Variants in VPS13D observed in about 807,000 individuals in gnomAD.
VPS13D encodes vacuolar protein sorting 13 homolog D.
VPS13D carries 187 observed loss-of-function variants against 461.9 expected under a neutral mutation model. The observed-to-expected ratio is 0.40, with a 90% CI of 0.36 to 0.46. The LOEUF (loss-of-function observed/expected upper bound fraction) is 0.46. Ranked by LOEUF, VPS13D falls within the 20% of genes least tolerant of loss-of-function variation. The pLI is 0.60. For missense variants in VPS13D, 4,711 were observed against 5,364.9 expected (o/e 0.88, Z 3.81); for synonymous variants, 1,951 against 1,986.3 (o/e 0.98, Z 0.47).
At chr1:12,393,986 C>T (rs1248607322) in intron 60 of VPS13D, among the ~76,000 whole-genome samples, 8 of 152,130 alleles carry the variant, frequency 5.3e-5, no homozygotes, top group African/African-American at 1.9e-4. Context: ...CTGAAATCAA[C>T]GTCAGCTCAG....
At chr1:12,484,152 G>C (rs988139460) in intron 67 of VPS13D, among the ~76,000 whole-genome samples, 1 of 152,172 alleles carries the variant, frequency 6.6e-6, no homozygotes, top group Admixed American at 6.5e-5. Flanking sequence ...AGTTGGTACT[G>C]ATGCTGTACA....
chr1:12,421,651 A>T (rs1019256733), intron 65 of VPS13D, among the ~76,000 whole-genome samples: 4 of 152,242 alleles, frequency 2.6e-5, no homozygotes, highest in Non-Finnish European at 2.9e-5. Context: ...TTAACAATAG[A>T]GCAAATGATC....
intron 17 of VPS13D, among the ~76,000 whole-genome samples, chr1:12,271,571 A>T (rs552559375): frequency 6.6e-6 from 1 of 152,224 alleles, no homozygotes; most frequent in South Asian, 2.1e-4. Flanking sequence ...CAGGAGGCGG[A>T]GGCAGGAGAA....
At chr1:12,291,652 G>C (rs1277654995) in intron 23 of VPS13D, among the ~76,000 whole-genome samples, 2 of 152,148 alleles carry the variant, frequency 1.3e-5, no homozygotes, top group Admixed American at 1.3e-4. Flanking sequence ...ACCCCAGATA[G>C]GGTATGATTG....
rs1168118567 is a variant in VPS13D, at chr1:12,271,003, A to C, written c.1982A>C (p.Tyr661Ser). 1 of 1,613,468 alleles carries C rather than the reference A, an allele frequency of 6.2e-7. No individual in the cohort carries two copies. The highest frequency in any genetic ancestry group is 1.3e-5 in the African/African-American group (1 of 74,830). Residue 661 changes from tyrosine to serine, a missense_variant, in exon 17 of 70, where the codon TAT becomes TCT. Physicochemically the swap from Tyr to Ser is moderately radical, Grantham distance 144. This residue lies in a region of VPS13D where 4,411 missense variants were observed against 4,937.8 expected (regional missense o/e 0.89). Coordinates refer to ENST00000620676, the MANE Select transcript of VPS13D (RefSeq NM_015378.4). The stretch of plus-strand genomic sequence containing the variant: ...ATTTCCAACCTTGCAGGTTTTGGTT[A>C]TCAGTCTGAACTTGAGCTGAGAGTG... ...KGKVHTSGFG[Y>S]QSELELRVAE...
Position 12,321,972 on chromosome 1 carries a change from T to C in VPS13D, c.7704+8T>C. On this transcript the variant is annotated splice_region_variant and intron_variant, in intron 33 of 69. Coordinates refer to ENST00000620676, the MANE Select transcript of VPS13D (RefSeq NM_015378.4). ...TTCCCACCTGTCCTGGAGGTAATGATGCAAAATCTGTGCAATACGTTGATA... is the reference window on the plus strand; with the variant it reads ...TTCCCACCTGTCCTGGAGGTAATGACGCAAAATCTGTGCAATACGTTGATA... 1 of 1,613,354 alleles carries C rather than the reference T, an allele frequency of 6.2e-7. No homozygotes were observed. The highest frequency in any genetic ancestry group is 8.5e-7 in the Non-Finnish European group (1 of 1,179,720).
At chr1:12,412,494 A>T (rs753303892) in intron 63 of VPS13D, among the ~76,000 whole-genome samples, 1 of 152,220 alleles carries the variant, frequency 6.6e-6, no homozygotes, top group African/African-American at 2.4e-5. Context: ...CCAGAAATGG[A>T]TGTATAATAC....
At chr1:12,472,935 C>T (rs887654653) in intron 67 of VPS13D, among the ~76,000 whole-genome samples, 5 of 152,196 alleles carry the variant, frequency 3.3e-5, no homozygotes, top group East Asian at 1.9e-4. Flanking sequence ...GGTGAGAAGC[C>T]GTTGCCAGTC....
rs142445093 is a variant in VPS13D, at chr1:12,276,446, A to C, written c.2858A>C (p.Gln953Pro). 3.7e-6 allele frequency: 6 copies of C among 1,614,072 alleles called. No individual in the cohort carries two copies. The Admixed American group carries it at 1.0e-4, about 27-fold the overall frequency. ...QHTREVLVES[Q>P]LLLAEFKVNC... ...ACCCGCGAGGTTCTGGTGGAGTCGC[A>C]GCTCCTCCTGGCGGAATTTAAAGTG... Residue 953 changes from glutamine (Q) to proline (P), a missense_variant, in exon 19 of 70, where the codon CAG becomes CCG. Around this residue, in one of 3 missense-constraint regions of VPS13D, gnomAD observed 4,411 missense variants for 4,937.8 expected, o/e 0.89. Transcript: ENST00000620676. The surrounding 1 kb of genome is among the most constrained non-coding windows in gnomAD (Gnocchi z 4.5).
intron 3 of VPS13D, among the ~76,000 whole-genome samples, chr1:12,242,904 A>G (rs1176025203): frequency 1.3e-5 from 2 of 152,042 alleles, no homozygotes; most frequent in African/African-American, 2.4e-5. Flanking sequence ...CCTCTGTTCT[A>G]CATTCAAGGT....
intron 25 of VPS13D, among the ~76,000 whole-genome samples, chr1:12,300,727 C>G (rs1642402300): frequency 1.3e-5 from 2 of 152,062 alleles, no homozygotes; most frequent in African/African-American, 4.8e-5. Flanking sequence ...AATGGAAACA[C>G]CTAGTAATTC....
Position 12,268,865 on chromosome 1 carries a change from T to G in VPS13D, c.1961T>G (p.Val654Gly), listed in dbSNP as rs531508181. The G allele has an allele frequency of 1.6e-5, 26 of 1,605,840 alleles. No homozygotes were observed. Among genetic ancestry groups the G allele is most frequent in the Admixed American group, 5.2e-5 (3 of 57,312 alleles). Residue 654 changes from valine to glycine, a missense_variant, in exon 16 of 70, where the codon GTT becomes GGT. Val to Gly is a moderately radical substitution (Grantham distance 109). Transcript: ENST00000620676. ...KVADFFYKGKVHTSGFGYQSE... is the reference protein window; with the variant it reads ...KVADFFYKGKGHTSGFGYQSE... ...GCAGACTTTTTCTACAAGGGAAAGG[T>G]TCATACCTCAGGTTAACTTTTTTGT...
At chr1:12,432,012 A>G (rs765335143) in intron 65 of VPS13D, among the ~76,000 whole-genome samples, 6 of 152,196 alleles carry the variant, frequency 3.9e-5, no homozygotes, top group Non-Finnish European at 7.3e-5. Flanking sequence ...GTGGGTTAAA[A>G]TGAATTTTAA....
intron 48 of VPS13D, 83 bp downstream of exon 48, chr1:12,356,173 C>T: frequency 4.0e-6 from 6 of 1,484,830 alleles, no homozygotes; most frequent in Non-Finnish European, 5.4e-6. Flanking sequence ...TAAATGGAGC[C>T]AATGCAAATA....
intron 36 of VPS13D, among the ~76,000 whole-genome samples, chr1:12,328,336 G>A (rs954460518): frequency 6.6e-6 from 1 of 151,078 alleles, no homozygotes; most frequent in African/African-American, 2.4e-5. Context: ...CTAGAGTGGG[G>A]ACCAAAGTAG....
At position 12,359,617 on chromosome 1, in the gene VPS13D, T is replaced by C. The variant is rs546628102; in HGVS notation, c.10141+1016T>C. 7.2e-5 allele frequency among the ~76,000 whole-genome samples: 11 copies of C among 152,314 alleles called. No homozygotes were observed. The South Asian group carries it at 2.3e-3, about 32-fold the overall frequency. Reference sequence around the variant, plus strand: ...GCAAGGAAAAACTGATGTGATATCATTTACATATTTATCCTGAGTCCCATG... The same window carrying C: ...GCAAGGAAAAACTGATGTGATATCACTTACATATTTATCCTGAGTCCCATG... On this transcript the variant is annotated intron_variant, in intron 50 of 69. Transcript: ENST00000620676.
At chr1:12,435,257 G>A (rs915282020) in intron 65 of VPS13D, among the ~76,000 whole-genome samples, 6 of 151,144 alleles carry the variant, frequency 4.0e-5, no homozygotes, top group Non-Finnish European at 5.9e-5. Context: ...TCAGGAGTTC[G>A]AGACCAGCCT....
In VPS13D at chr1:12,307,868, A is replaced by G. The variant is rs562995234; in HGVS notation, c.6440-563A>G. Among the ~76,000 whole-genome samples the G allele has an allele frequency of 1.7e-3, 252 of 152,234 alleles. 1 individual carries two copies. The highest frequency in any genetic ancestry group is 5.6e-3 in the African/African-American group (234 of 41,542). ...AATGTTATGGACTGTTTATTTTTTT[A>G]AGGATTACTCAGGTATTTGGTGGGG... On this transcript the variant is annotated intron_variant, in intron 26 of 69. Coordinates refer to ENST00000620676, the MANE Select transcript of VPS13D (RefSeq NM_015378.4).
intron 5 of VPS13D, among the ~76,000 whole-genome samples, chr1:12,245,928 C>A (rs777784390): frequency 6.6e-6 from 1 of 152,178 alleles, no homozygotes; most frequent in Non-Finnish European, 1.5e-5. Context: ...TAGCATGTGT[C>A]AGCACTTTAT....
Sources: gnomAD v4.1 joint callset for allele counts (sites outside exome capture counted in the v4.1 genomes callset) on GRCh38, gnomAD v4.1.1 for gene constraint, gnomAD v4.1.1 regional missense constraint, Gnocchi (gnomAD v3.1) non-coding constraint, MANE v1.5 for transcripts, NCBI Gene and HGNC (gene_info 2026-07-23, HGNC 2026-07-21) for gene names.